IMMP2L: variants seen among roughly 807,000 people sequenced by gnomAD.
The protein encoded by IMMP2L is mitochondrial inner membrane protease subunit 2.
IMMP2L carries 18 observed loss-of-function variants against 19.3 expected under a neutral mutation model. The observed-to-expected ratio is 0.93, with a 90% confidence interval of 0.64 to 1.38. The LOEUF (loss-of-function observed/expected upper bound fraction) is 1.38. IMMP2L is among the 40% of genes most tolerant of loss of function. IMMP2L has a pLI of 0.00. For missense variants in IMMP2L, 233 were observed against 218.2 expected, an observed-to-expected ratio of 1.07 and a Z score of -0.43; for synonymous variants, 76 against 73.0, an observed-to-expected ratio of 1.04 and a Z score of -0.21.
intron 3 of IMMP2L, among the ~76,000 whole-genome samples, chr7:111,133,615 G>C (rs1393411188): frequency 6.6e-6 from 1 of 151,964 alleles, no homozygotes; most frequent in Non-Finnish European, 1.5e-5. Flanking sequence ...GGAAAAAAAT[G>C]ACTATGCCAA....
intron 3 of IMMP2L, among the ~76,000 whole-genome samples, chr7:111,479,594 A>G (rs964216402): frequency 3.9e-5 from 6 of 152,162 alleles, no homozygotes; most frequent in African/African-American, 1.4e-4. Context: ...TGTAATTATT[A>G]TGTAAACTTA....
chr7:111,166,963 C>T (rs1015216306), intron 3 of IMMP2L, among the ~76,000 whole-genome samples: 6 of 151,844 alleles, frequency 4.0e-5, no homozygotes, highest in African/African-American at 1.5e-4. Flanking sequence ...ATTCCTTTTC[C>T]AAGTAGGATG....
chr7:110,763,450 G>C (rs1378599775), intron 5 of IMMP2L, among the ~76,000 whole-genome samples: 1 of 152,062 alleles, frequency 6.6e-6, no homozygotes, highest in Non-Finnish European at 1.5e-5. Context: ...AGGTTCATTA[G>C]TTTTTAATAG....
intron 3 of IMMP2L, among the ~76,000 whole-genome samples, chr7:111,009,445 A>G (rs1824684269): frequency 1.3e-5 from 2 of 152,028 alleles, no homozygotes; most frequent in African/African-American, 2.4e-5. Flanking sequence ...GAGGGCAGAA[A>G]TTGTATTGCT....
At chr7:110,890,018 T>A (rs1810633057) in intron 4 of IMMP2L, among the ~76,000 whole-genome samples, 1 of 152,180 alleles carries the variant, frequency 6.6e-6, no homozygotes, top group African/African-American at 2.4e-5. Context: ...CCTTTGTCCA[T>A]TATTTTCTTT....
At chr7:111,434,347 A>C (rs1474294860) in intron 3 of IMMP2L, among the ~76,000 whole-genome samples, 1 of 151,744 alleles carries the variant, frequency 6.6e-6, no homozygotes, top group Non-Finnish European at 1.5e-5. Context: ...CCAATGCAAC[A>C]AAAACAAAAA....
At chr7:111,136,590 G>T (rs140817327) in intron 3 of IMMP2L, among the ~76,000 whole-genome samples, 2 of 152,172 alleles carry the variant, frequency 1.3e-5, no homozygotes, top group Non-Finnish European at 2.9e-5. Flanking sequence ...AGTCATTAAA[G>T]TCTCTCTTAA....
At chr7:111,327,935 A>G (rs935849141) in intron 3 of IMMP2L, among the ~76,000 whole-genome samples, 14 of 151,750 alleles carry the variant, frequency 9.2e-5, no homozygotes, top group African/African-American at 3.1e-4. Flanking sequence ...TGTTTGGAAA[A>G]TAGGTACGTA....
intron 3 of IMMP2L, among the ~76,000 whole-genome samples, chr7:111,179,488 A>G (rs1296551446): frequency 6.6e-6 from 1 of 151,984 alleles, no homozygotes; most frequent in Non-Finnish European, 1.5e-5. Flanking sequence ...AAGATTGGAC[A>G]CTTCTGCTAT....
At chr7:111,527,666 C>G (rs1847008250) in intron 1 of IMMP2L, among the ~76,000 whole-genome samples, 2 of 152,042 alleles carry the variant, frequency 1.3e-5, no homozygotes, top group African/African-American at 4.8e-5. Context: ...AGTGAGGGAG[C>G]TGAAACCAGT....
chr7:111,560,299 C>G (rs1394336185), intron 1 of IMMP2L, among the ~76,000 whole-genome samples: 1 of 152,062 alleles, frequency 6.6e-6, no homozygotes, highest in Non-Finnish European at 1.5e-5. Context: ...TAGCTTAGAT[C>G]TTTTAAATGA....
intron 4 of IMMP2L, among the ~76,000 whole-genome samples, chr7:110,940,021 G>T (rs972570016): frequency 2.0e-5 from 3 of 152,154 alleles, no homozygotes; most frequent in South Asian, 2.1e-4. Context: ...ATCACAGTGG[G>T]ATAACCATTT....
At chr7:111,125,579 G>C (rs1422069223) in intron 3 of IMMP2L, 2 of 158,762 alleles carry the variant, frequency 1.3e-5, no homozygotes, top group Non-Finnish European at 1.5e-5. Context: ...TTTTTATAAA[G>C]CCTCAAATAT....
At chr7:111,185,395 G>GA (rs1808156603) in intron 3 of IMMP2L, among the ~76,000 whole-genome samples, 1 of 152,064 alleles carries the variant, frequency 6.6e-6, no homozygotes, top group Non-Finnish European at 1.5e-5. Context: ...TACTATGTCT[G>GA]AATATGTTCA....
At chr7:111,445,067 T>A (rs1007122519) in intron 3 of IMMP2L, among the ~76,000 whole-genome samples, 9 of 152,062 alleles carry the variant, frequency 5.9e-5, no homozygotes, top group African/African-American at 2.2e-4. Context: ...AATTGCTAGA[T>A]CTAAACGTCC....
At position 111,075,107 on chromosome 7, in the gene IMMP2L, G is replaced by C. The variant is rs1165141385; in HGVS notation, c.240-111542C>G. Among the ~76,000 whole-genome samples the C allele has an allele frequency of 9.0e-5, 11 of 122,206 alleles. No homozygotes were observed. The Admixed American group carries it at 9.9e-4, about 11-fold the overall frequency. 80.2% of individuals were successfully genotyped at this position (122,206 alleles called of 152,430 possible). A position where few individuals can be genotyped will look rare whatever the true frequency, so the allele number is the denominator to read the frequency against. Reference sequence around the variant, plus strand: ...TTGGCTGTTATATTTTAAATAGCTTGTTTTCAGACTTTTTTTTTTTTTTTT... The same window carrying C: ...TTGGCTGTTATATTTTAAATAGCTTCTTTTCAGACTTTTTTTTTTTTTTTT... On this transcript the variant is annotated intron_variant, in intron 3 of 5. Coordinates refer to ENST00000405709, the MANE Select transcript of IMMP2L (RefSeq NM_032549.4).
chr7:110,876,034 C>G (rs1034412727), intron 5 of IMMP2L, among the ~76,000 whole-genome samples: 1 of 151,894 alleles, frequency 6.6e-6, no homozygotes, highest in South Asian at 2.1e-4. Flanking sequence ...TTCAAAAAAA[C>G]GGATACATTT....
chr7:111,559,160 T>A (rs1260286710), intron 1 of IMMP2L, among the ~76,000 whole-genome samples: 1 of 152,162 alleles, frequency 6.6e-6, no homozygotes, highest in East Asian at 1.9e-4. Context: ...TATAATCTAC[T>A]GACAAAACAT....
intron 3 of IMMP2L, among the ~76,000 whole-genome samples, chr7:111,007,100 G>T (rs1038198231): frequency 6.6e-6 from 1 of 152,070 alleles, no homozygotes; most frequent in Non-Finnish European, 1.5e-5. Context: ...ACATGGCTGG[G>T]GAGGCCTCAG....
Sources: gnomAD v4.1 joint callset for allele counts (sites outside exome capture counted in the v4.1 genomes callset) on GRCh38, gnomAD v4.1.1 for gene constraint, MANE v1.5 for transcripts, NCBI Gene and HGNC (gene_info 2026-07-23, HGNC 2026-07-21) for gene names.